ABCB5: variants seen among roughly 807,000 people sequenced by gnomAD.
ABCB5 encodes ATP-binding cassette sub-family B member 5.
ABCB5 carries 155 observed loss-of-function variants against 144.2 expected under a neutral mutation model. That is an observed-to-expected ratio of 1.08 (90% CI 0.94 to 1.23). ABCB5 has a LOEUF of 1.23. ABCB5 is among the 50% of genes most tolerant of loss of function. The probability of loss-of-function intolerance (pLI) is 0.00; values close to 1 mark genes in which losing one functional copy is unlikely to be tolerated. For missense variants in ABCB5, 1,830 were observed against 1,520.8 expected, an observed-to-expected ratio of 1.20 and a Z score of -3.38; for synonymous variants, 610 against 528.6, an observed-to-expected ratio of 1.15 and a Z score of -2.11.
chr7:20,736,222 G>C lies in ABCB5; in HGVS notation c.2868-2761G>C, dbSNP rs1441879822. ...TTTTTTTTTCTTTTTTGTTGTTGTT[G>C]TTGCTGTTTTTCTTGAGACGGAGTC... On this transcript the variant is annotated intron_variant, in intron 23 of 27. Coordinates refer to ENST00000404938, the MANE Select transcript of ABCB5 (RefSeq NM_001163941.2). 2.0e-5 allele frequency among the ~76,000 whole-genome samples: 3 copies of C among 151,848 alleles called. No individual in the cohort carries two copies. In the East Asian group the frequency reaches 5.8e-4, roughly 29 times the overall value.
intron 16 of ABCB5, among the ~76,000 whole-genome samples, chr7:20,688,264 T>C (rs1340376029): frequency 6.6e-6 from 1 of 151,770 alleles, no homozygotes; most frequent in African/African-American, 2.4e-5. Flanking sequence ...GAAAAAGAAA[T>C]GGAGCAGTAT....
intron 19 of ABCB5, among the ~76,000 whole-genome samples, chr7:20,702,844 T>C (rs1277292204): frequency 1.3e-5 from 2 of 148,786 alleles, no homozygotes; most frequent in East Asian, 4.0e-4. Flanking sequence ...TTTTTTTTTT[T>C]TTTTTGTATT....
At chr7:20,720,199 C>T (rs181548924) in intron 20 of ABCB5, among the ~76,000 whole-genome samples, 41 of 152,176 alleles carry the variant, frequency 2.7e-4, no homozygotes, top group Non-Finnish European at 4.1e-4. Flanking sequence ...ACAAAGCCAA[C>T]GTGAAGGGAC....
intron 13 of ABCB5, among the ~76,000 whole-genome samples, chr7:20,657,291 G>A (rs1016588675): frequency 6.6e-6 from 1 of 151,414 alleles, no homozygotes; most frequent in Admixed American, 6.6e-5. Context: ...TAATTTTTTA[G>A]CAATATTGCA....
intron 21 of ABCB5, among the ~76,000 whole-genome samples, chr7:20,726,609 G>A (rs1477445954): frequency 1.3e-5 from 2 of 151,838 alleles, no homozygotes; most frequent in Non-Finnish European, 2.9e-5. Context: ...TCAAGTAATC[G>A]GCCCGCCTTG....
At chr7:20,729,078 T>G (rs1372731500) in intron 23 of ABCB5, among the ~76,000 whole-genome samples, 4 of 152,238 alleles carry the variant, frequency 2.6e-5, no homozygotes, top group African/African-American at 9.6e-5. Flanking sequence ...ACATATTATA[T>G]ATTTATGGGG....
At chr7:20,666,936 T>A in intron 14 of ABCB5, 1 of 1,197,054 alleles carries the variant, frequency 8.4e-7, no homozygotes, top group Middle Eastern at 2.0e-4. Flanking sequence ...GCTGCCAAAA[T>A]CTCTTCTGTG....
intron 23 of ABCB5, among the ~76,000 whole-genome samples, chr7:20,730,114 A>C (rs771863382): frequency 6.6e-5 from 10 of 152,238 alleles, no homozygotes; most frequent in Admixed American, 1.3e-4. Flanking sequence ...TCACCAACCC[A>C]GTATTCCTAA....
chr7:20,746,394 G>A (rs776501898), intron 26 of ABCB5, among the ~76,000 whole-genome samples: 1 of 152,126 alleles, frequency 6.6e-6, no homozygotes, highest in African/African-American at 2.4e-5. Flanking sequence ...CATCGCGCCC[G>A]GCAAGTAGCA....
chr7:20,628,612 G>C, intron 3 of ABCB5, 76 bp from the exon 4 acceptor site: 1 of 1,260,704 alleles, frequency 7.9e-7, no homozygotes, highest in Non-Finnish European at 1.1e-6. Flanking sequence ...GCTGTAGGCT[G>C]TTGTGTGTGT....
chr7:20,727,867 T>C (rs1227552911), intron 22 of ABCB5, among the ~76,000 whole-genome samples: 8 of 151,402 alleles, frequency 5.3e-5, no homozygotes. Flanking sequence ...ATGCTTTTTA[T>C]ATTACTTTAA....
intron 16 of ABCB5, among the ~76,000 whole-genome samples, chr7:20,688,758 G>A (rs1389764897): frequency 6.6e-6 from 1 of 152,122 alleles, no homozygotes; most frequent in Non-Finnish European, 1.5e-5. Context: ...AGAAAATGTG[G>A]CACATATACA....
chr7:20,715,383 A>G (rs930978690), intron 20 of ABCB5, among the ~76,000 whole-genome samples: 8 of 151,788 alleles, frequency 5.3e-5, no homozygotes, highest in Admixed American at 2.6e-4. Context: ...TTTAATGTCT[A>G]GAGCTGGAAT....
At chr7:20,652,438 C>G (rs1003401745) in intron 13 of ABCB5, among the ~76,000 whole-genome samples, 1 of 152,120 alleles carries the variant, frequency 6.6e-6, no homozygotes, top group Non-Finnish European at 1.5e-5. Context: ...GGTGTGGTGG[C>G]GCACACCTAT....
At chr7:20,683,386 G>A (rs923580868) in intron 15 of ABCB5, among the ~76,000 whole-genome samples, 5 of 151,992 alleles carry the variant, frequency 3.3e-5, no homozygotes, top group African/African-American at 9.7e-5. Context: ...AATAATTTAC[G>A]AGGTTTAATA....
chr7:20,715,436 G>T (rs540215663), intron 20 of ABCB5, among the ~76,000 whole-genome samples: 1 of 151,908 alleles, frequency 6.6e-6, no homozygotes, highest in African/African-American at 2.4e-5. Context: ...TGTGAAACAG[G>T]GTCTCACTCT....
chr7:20,724,617 C>A (rs1365059111), intron 21 of ABCB5, among the ~76,000 whole-genome samples: 1 of 111,424 alleles, frequency 9.0e-6, no homozygotes, highest in African/African-American at 3.7e-5. Flanking sequence ...CGACAGAGCA[C>A]AGCTCTGTCT....
intron 5 of ABCB5, among the ~76,000 whole-genome samples, chr7:20,636,185 T>G (rs908002573): frequency 9.9e-5 from 15 of 152,184 alleles, no homozygotes; most frequent in Admixed American, 3.3e-4. Flanking sequence ...TTTATTTATA[T>G]TGGATCTTTT....
rs771162694 is a variant in ABCB5, at chr7:20,700,079, G to A, written c.2281G>A (p.Gly761Arg). The change falls in exon 19 of 28, where the codon GGG (glycine) becomes AGG (arginine). Residue 761 changes from glycine to arginine, a missense_variant. Transcript: ENST00000404938. ...FMQGLFYGRAGEILTMRLRHL... is the reference protein window; with the variant it reads ...FMQGLFYGRAREILTMRLRHL... ...TCAGGGATTATTTTACGGCAGAGCA[G>A]GGGAAATTTTAACGATGAGATTAAG... 2 of 1,613,762 alleles carry A rather than the reference G, an allele frequency of 1.2e-6. No individual in the cohort carries two copies. The highest frequency in any genetic ancestry group is 1.7e-5 in the Admixed American group (1 of 60,008).
Sources: gnomAD v4.1 joint callset for allele counts (sites outside exome capture counted in the v4.1 genomes callset) on GRCh38, gnomAD v4.1.1 for gene constraint, MANE v1.5 for transcripts, NCBI Gene and HGNC (gene_info 2026-07-23, HGNC 2026-07-21) for gene names.